TMEM131: variants seen among roughly 807,000 people sequenced by gnomAD.
TMEM131 encodes transmembrane protein 131.
A neutral mutation model predicts 211.6 loss-of-function variants in TMEM131; 66 were observed. That is an observed-to-expected ratio of 0.31 (90% confidence interval 0.26 to 0.38). The LOEUF is 0.38. Ranked by LOEUF, TMEM131 falls within the 10% of genes least tolerant of loss-of-function variation. The pLI is 1.00. For missense variants in TMEM131, 2,036 were observed against 2,299.3 expected, an observed-to-expected ratio of 0.89 and a Z score of 2.34; for synonymous variants, 844 against 841.3, an observed-to-expected ratio of 1.00 and a Z score of -0.06.
chr2:97,900,423 C>T (rs565070421), intron 3 of TMEM131, among the ~76,000 whole-genome samples: 1 of 152,018 alleles, frequency 6.6e-6, no homozygotes, highest in Non-Finnish European at 1.5e-5. Flanking sequence ...ATGCATTATT[C>T]ATCTTTCTGT....
Position 97,809,685 on chromosome 2 carries a change from T to G in TMEM131, c.2055+3A>C. 1 of 1,608,222 alleles carries G rather than the reference T, an allele frequency of 6.2e-7. No individual in the cohort carries two copies. The highest frequency in any genetic ancestry group is 8.5e-7 in the Non-Finnish European group (1 of 1,176,844). On this transcript the variant is annotated splice_donor_region_variant and intron_variant, in intron 19 of 40. Coordinates refer to ENST00000186436, the MANE Select transcript of TMEM131 (RefSeq NM_015348.2). Reference sequence around the variant, plus strand: ...AGAAAAATGTGTGTATTAATGGTCTTACTGGAAAGGAAGGTGGAAGAACCA... The same window carrying G: ...AGAAAAATGTGTGTATTAATGGTCTGACTGGAAAGGAAGGTGGAAGAACCA...
At chr2:97,881,182 C>T (rs930698466) in intron 4 of TMEM131, among the ~76,000 whole-genome samples, 19 of 152,118 alleles carry the variant, frequency 1.2e-4, no homozygotes, top group African/African-American at 4.6e-4. Flanking sequence ...GCCGCAGTAT[C>T]CTAGGCACTG....
At chr2:97,976,784 C>T (rs1476919160) in intron 1 of TMEM131, among the ~76,000 whole-genome samples, 6 of 152,062 alleles carry the variant, frequency 3.9e-5, no homozygotes, top group Non-Finnish European at 8.8e-5. Flanking sequence ...GTGGTACTGG[C>T]ATCAAGGCAG....
At chr2:97,818,997 A>T (rs1345845800) in intron 11 of TMEM131, among the ~76,000 whole-genome samples, 3 of 152,242 alleles carry the variant, frequency 2.0e-5, no homozygotes, top group Non-Finnish European at 4.4e-5. Context: ...TAAAGCATTT[A>T]AAAAAGGTAC....
chr2:97,823,470 C>A (rs1682222961), intron 11 of TMEM131, among the ~76,000 whole-genome samples: 1 of 152,120 alleles, frequency 6.6e-6, no homozygotes, highest in African/African-American at 2.4e-5. Flanking sequence ...TAGATCAAAC[C>A]CTGGCCTTTA....
chr2:97,861,779 C>A (rs964071142), intron 4 of TMEM131, among the ~76,000 whole-genome samples: 1 of 152,134 alleles, frequency 6.6e-6, no homozygotes, highest in African/African-American at 2.4e-5. Context: ...CACCTACAGA[C>A]CCACCTGGGA....
intron 2 of TMEM131, among the ~76,000 whole-genome samples, chr2:97,916,250 T>C (rs1213148771): frequency 6.6e-6 from 1 of 152,252 alleles, no homozygotes; most frequent in Non-Finnish European, 1.5e-5. Context: ...TTTATTCTTC[T>C]TTTGTACCAC....
At chr2:97,796,808 G>A (rs759742252) in intron 27 of TMEM131, 36 bp downstream of exon 27, 27 of 1,595,212 alleles carry the variant, frequency 1.7e-5, no homozygotes, top group Non-Finnish European at 2.0e-5. Context: ...AGCAAATGCT[G>A]AAATTAGTGT....
At position 97,995,686 on chromosome 2, in the gene TMEM131, G is replaced by A; in HGVS notation, c.-24C>T. 8.4e-7 allele frequency: 1 copy of A among 1,194,750 alleles called. No individual in the cohort carries two copies. Among genetic ancestry groups the A allele is most frequent in the Admixed American group, 4.5e-5 (1 of 22,304 alleles). The allele number at this position is 1,194,750 out of a possible 1,614,324, so 74.0% of individuals were successfully genotyped here. ...ATCCCTGCCGGCCGGGGGCCGCCGC[G>A]CTCGAGGTCCGGCGCGGCCCTTCTC... On this transcript the variant is annotated 5_prime_UTR_variant, in exon 1 of 41. Transcript: ENST00000186436.
chr2:97,757,085 G>GT lies in TMEM131; in HGVS notation c.*13dup. The GT allele has an allele frequency of 6.4e-7, 1 of 1,571,882 alleles. No homozygotes were observed. The highest frequency in any genetic ancestry group is 1.8e-5 in the Admixed American group (1 of 55,346). The stretch of plus-strand genomic sequence containing the variant: ...AGACGAGGGCCCACTATGTTTGTTT[G>GT]TTTTTTGCTTAATTTAATTCTCGTG... On this transcript the variant is annotated 3_prime_UTR_variant, in exon 41 of 41. Coordinates refer to ENST00000186436, the MANE Select transcript of TMEM131 (RefSeq NM_015348.2).
chr2:97,857,749 G>A (rs1043111440), intron 5 of TMEM131, among the ~76,000 whole-genome samples: 1 of 152,098 alleles, frequency 6.6e-6, no homozygotes, highest in African/African-American at 2.4e-5. Context: ...ATAGAACACC[G>A]ACACCTTCAC....
Position 97,918,303 on chromosome 2 carries a change from C to T in TMEM131, c.249+9123G>A, listed in dbSNP as rs1443465943. Among the ~76,000 whole-genome samples the T allele has an allele frequency of 5.3e-5, 8 of 152,214 alleles. No homozygotes were observed. In the East Asian group the frequency reaches 7.7e-4, roughly 15 times the overall value. ...CTTGAGTATTCTCATTAGGTATAAA[C>T]TCAGATGTGATCCAAGGGACTCATG... On this transcript the variant is annotated intron_variant, in intron 2 of 40. Transcript: ENST00000186436.
chr2:97,872,796 C>T (rs548401909), intron 4 of TMEM131, among the ~76,000 whole-genome samples: 1 of 152,334 alleles, frequency 6.6e-6, no homozygotes, highest in African/African-American at 2.4e-5. Flanking sequence ...GGGTTTCAAG[C>T]ACAAAACTGG....
chr2:97,797,880 G>C (rs938426836), intron 25 of TMEM131, among the ~76,000 whole-genome samples: 20 of 152,194 alleles, frequency 1.3e-4, no homozygotes, highest in Non-Finnish European at 2.9e-5. Flanking sequence ...AGACACATTA[G>C]CACAAAGCAA....
chr2:97,946,925 C>CAA (rs148031220), intron 1 of TMEM131, among the ~76,000 whole-genome samples: 1 of 146,472 alleles, frequency 6.8e-6, no homozygotes, highest in African/African-American at 2.5e-5. Flanking sequence ...TTTAAATATT[C>CAA]AAAAAAAAAA....
intron 1 of TMEM131, among the ~76,000 whole-genome samples, chr2:97,931,989 T>C (rs1406070853): frequency 2.6e-5 from 4 of 152,140 alleles, no homozygotes. Context: ...TGCTTGTCAA[T>C]AATCTGTGCC....
intron 4 of TMEM131, among the ~76,000 whole-genome samples, chr2:97,876,493 T>G (rs1389623592): frequency 6.6e-6 from 1 of 152,140 alleles, no homozygotes; most frequent in Non-Finnish European, 1.5e-5. Context: ...ATCAAAAAGC[T>G]TATCCACCAC....
intron 1 of TMEM131, among the ~76,000 whole-genome samples, chr2:97,989,709 T>TAA (rs749245853): frequency 4.6e-5 from 7 of 152,212 alleles, no homozygotes; most frequent in Non-Finnish European, 8.8e-5. Flanking sequence ...AAGATCCTCT[T>TAA]AAACATCAAA....
rs374412962 is a variant in TMEM131 at position 97,797,372 on chromosome 2, T to C, written c.2863A>G (p.Ile955Val). Residue 955 changes from isoleucine (I) to valine (V), a missense_variant, in exon 26 of 41, where the codon ATA (isoleucine) becomes GTA (valine). Around this residue, in one of 3 missense-constraint regions of TMEM131, gnomAD observed 1,623 missense variants for 1,805.9 expected, o/e 0.90. Transcript: ENST00000186436. ...VHNRTVSSLI[I>V]VRNNLTVMDA... ...CTATATCACAGAACCTACCTGACTA[T>C]GATAAGTGAAGAAACAGTTCTGTTG... 1.0e-5 allele frequency: 16 copies of C among 1,604,696 alleles called. No individual in the cohort carries two copies. Among genetic ancestry groups the C allele is most frequent in the South Asian group, 6.7e-5 (6 of 89,524 alleles).
Sources: gnomAD v4.1 joint callset for allele counts (sites outside exome capture counted in the v4.1 genomes callset) on GRCh38, gnomAD v4.1.1 for gene constraint, gnomAD v4.1.1 regional missense constraint, MANE v1.5 for transcripts, NCBI Gene and HGNC (gene_info 2026-07-23, HGNC 2026-07-21) for gene names.